The following MAGI2 variants were observed in gnomAD, a reference collection of about 807,000 sequenced individuals.
MAGI2 encodes the protein membrane-associated guanylate kinase, WW and PDZ domain-containing protein 2.
A neutral mutation model predicts 133.3 loss-of-function variants in MAGI2; 35 were observed. The observed-to-expected ratio is 0.26, with a 90% CI of 0.20 to 0.35. MAGI2 has a LOEUF of 0.35. MAGI2 is among the 10% of genes least tolerant of loss of function. MAGI2 has a pLI of 1.00. For missense variants in MAGI2, 1,636 were observed against 1,863.4 expected (o/e 0.88, Z 2.25); for synonymous variants, 729 against 710.6 (o/e 1.03, Z -0.41).
At chr7:78,380,142 AACACACACAC>A (rs3061267) in intron 6 of MAGI2, among the ~76,000 whole-genome samples, 1 of 149,064 alleles carries the variant, frequency 6.7e-6, no homozygotes, top group Non-Finnish European at 1.5e-5. Context: ...CTCTAGGGAC[AACACACACAC>A]ACACACACAC....
At chr7:79,265,395 A>G (rs572513045) in intron 1 of MAGI2, among the ~76,000 whole-genome samples, 62 of 152,304 alleles carry the variant, frequency 4.1e-4, no homozygotes, top group African/African-American at 1.4e-3. Context: ...ATACAAAAAT[A>G]TTCAAAAATG....
At chr7:78,469,819 C>G (rs933214962) in intron 6 of MAGI2, among the ~76,000 whole-genome samples, 4 of 152,118 alleles carry the variant, frequency 2.6e-5, no homozygotes, top group African/African-American at 9.7e-5. Context: ...TTTCCTTCCC[C>G]TCATCTTTCC....
chr7:78,499,416 C>T (rs776640409), intron 5 of MAGI2, among the ~76,000 whole-genome samples: 17 of 152,166 alleles, frequency 1.1e-4, no homozygotes, highest in Non-Finnish European at 2.2e-4. Context: ...TCTCTCTTCC[C>T]CATCTTGCCA....
rs114531956 is a variant in MAGI2, at chr7:79,181,647, A to C, written c.302-174441T>G. 9.6e-3 allele frequency among the ~76,000 whole-genome samples: 1,459 copies of C among 152,078 alleles called. 38 individuals are homozygous for C. The highest frequency in any genetic ancestry group is 0.034 in the African/African-American group (1,396 of 41,392). Reference sequence around the variant, plus strand: ...CTTAGTGATTAACATTCAGCTTCTCATTACTTATGCAAATTTCTGTAGCCA... The same window carrying C: ...CTTAGTGATTAACATTCAGCTTCTCCTTACTTATGCAAATTTCTGTAGCCA... On this transcript the variant is annotated intron_variant, in intron 1 of 21. Transcript: ENST00000354212.
intron 1 of MAGI2, among the ~76,000 whole-genome samples, chr7:79,129,597 T>G (rs1005121715): frequency 6.6e-6 from 1 of 152,178 alleles, no homozygotes; most frequent in African/African-American, 2.4e-5. Context: ...TTAAGTTTGC[T>G]TAGTGGTGAC....
intron 2 of MAGI2, among the ~76,000 whole-genome samples, chr7:78,658,684 T>C (rs1404995980): frequency 1.3e-5 from 2 of 152,202 alleles, no homozygotes; most frequent in Non-Finnish European, 2.9e-5. Context: ...TAAGTGGATA[T>C]ACGGATGGCA....
chr7:78,955,777 CTT>C (rs1554310468), intron 2 of MAGI2, among the ~76,000 whole-genome samples: 2 of 88,468 alleles, frequency 2.3e-5, no homozygotes, highest in African/African-American at 8.1e-5. Flanking sequence ...TTCTTTCTTT[CTT>C]TCTTTCTTTC....
chr7:78,611,215 A>G (rs1174703638), intron 3 of MAGI2, among the ~76,000 whole-genome samples: 3 of 152,210 alleles, frequency 2.0e-5, no homozygotes, highest in Non-Finnish European at 4.4e-5. Context: ...TGTGCTTGGC[A>G]ACTAATATCA....
At chr7:78,338,795 A>C (rs147936608) in intron 9 of MAGI2, among the ~76,000 whole-genome samples, 20 of 152,342 alleles carry the variant, frequency 1.3e-4, no homozygotes, top group Admixed American at 1.3e-3. Context: ...AGACATTATC[A>C]TCCCTATAAA....
intron 2 of MAGI2, among the ~76,000 whole-genome samples, chr7:78,985,508 G>A (rs1442184650): frequency 6.6e-6 from 1 of 152,000 alleles, no homozygotes; most frequent in Non-Finnish European, 1.5e-5. Context: ...GTTAAATCAA[G>A]TAATAAAGTA....
At chr7:78,954,494 A>G (rs918758941) in intron 2 of MAGI2, among the ~76,000 whole-genome samples, 1 of 152,152 alleles carries the variant, frequency 6.6e-6, no homozygotes, top group Non-Finnish European at 1.5e-5. Flanking sequence ...CTAACTGCTT[A>G]TGCTATAGAA....
chr7:79,027,467 C>T (rs1023856342), intron 1 of MAGI2, among the ~76,000 whole-genome samples: 1 of 152,024 alleles, frequency 6.6e-6, no homozygotes, highest in Non-Finnish European at 1.5e-5. Context: ...AAGACAAGTG[C>T]CACATGTTTT....
intron 20 of MAGI2, among the ~76,000 whole-genome samples, 173 bp from the exon 21 acceptor site, chr7:78,079,258 C>T (rs1472479653): frequency 2.0e-5 from 3 of 152,178 alleles, no homozygotes; most frequent in Non-Finnish European, 4.4e-5. Context: ...ATCTGATCAC[C>T]AAATTTTATT....
intron 2 of MAGI2, among the ~76,000 whole-genome samples, chr7:78,648,513 G>T (rs1811149977): frequency 6.6e-6 from 1 of 152,076 alleles, no homozygotes; most frequent in Non-Finnish European, 1.5e-5. Flanking sequence ...TTCTTCACTT[G>T]TCTTTTATTT....
intron 21 of MAGI2, among the ~76,000 whole-genome samples, chr7:78,047,070 G>A (rs3807773): frequency 0.23 from 34,712 of 152,010 alleles, 4,158 homozygotes; most frequent in Non-Finnish European, 0.26. Flanking sequence ...CACATCAACC[G>A]GATGTAACAG....
chr7:78,286,802 TC>T (rs1199085334), intron 9 of MAGI2, among the ~76,000 whole-genome samples: 1 of 152,202 alleles, frequency 6.6e-6, no homozygotes, highest in African/African-American at 2.4e-5. Flanking sequence ...AGAAATAAAA[TC>T]AGGAACTGGT....
chr7:78,802,493 C>A (rs969589828), intron 2 of MAGI2, among the ~76,000 whole-genome samples: 2 of 152,154 alleles, frequency 1.3e-5, no homozygotes, highest in African/African-American at 2.4e-5. Context: ...CCTCTCATCA[C>A]GCACTTTACT....
intron 1 of MAGI2, among the ~76,000 whole-genome samples, chr7:79,171,743 A>AAAAT (rs1554394139): frequency 1.4e-4 from 4 of 29,588 alleles, no homozygotes; most frequent in Admixed American, 9.4e-4. Flanking sequence ...AATAGCCAAA[A>AAAAT]ATATATATAT....
At chr7:78,334,146 T>C (rs1256715800) in intron 9 of MAGI2, among the ~76,000 whole-genome samples, 1 of 152,146 alleles carries the variant, frequency 6.6e-6, no homozygotes, top group African/African-American at 2.4e-5. Context: ...GAAATTGTAT[T>C]AAACTGCTAA....
Sources: gnomAD v4.1 joint callset for allele counts (sites outside exome capture counted in the v4.1 genomes callset) on GRCh38, gnomAD v4.1.1 for gene constraint, MANE v1.5 for transcripts, NCBI Gene and HGNC (gene_info 2026-07-23, HGNC 2026-07-21) for gene names.